Variants in COL23A1 observed in about 807,000 individuals in gnomAD.
COL23A1 encodes collagen alpha-1(XXIII) chain.
A neutral mutation model predicts 99.3 loss-of-function variants in COL23A1; 97 were observed. That is an observed-to-expected ratio of 0.98 (90% CI 0.83 to 1.16). The LOEUF is 1.16. Ranked by LOEUF, COL23A1 falls within the 50% of genes most tolerant of loss-of-function variation. The pLI is 0.00. For synonymous variants in COL23A1, 320 were observed against 308.2 expected, an observed-to-expected ratio of 1.04 and a Z score of -0.40; for missense variants, 762 against 757.4, an observed-to-expected ratio of 1.01 and a Z score of -0.07.
chr5:178,448,350 G>A (rs1285669361), intron 2 of COL23A1, among the ~76,000 whole-genome samples: 2 of 44,014 alleles, frequency 4.5e-5, no homozygotes, highest in Non-Finnish European at 4.3e-5. Flanking sequence ...AGTGCTAGTC[G>A]CAGTCCGTTT....
At chr5:178,533,700 T>C (rs971250093) in intron 2 of COL23A1, among the ~76,000 whole-genome samples, 5 of 152,242 alleles carry the variant, frequency 3.3e-5, no homozygotes, top group Non-Finnish European at 7.4e-5. Context: ...GGTTTCACCA[T>C]ATTGGACAAG....
Position 178,239,195 on chromosome 5 carries a change from G to C in COL23A1, c.1582-16C>G. 1 of 1,614,076 alleles carries C rather than the reference G, an allele frequency of 6.2e-7. No homozygotes were observed. Among genetic ancestry groups the C allele is most frequent in the Non-Finnish European group, 8.5e-7 (1 of 1,179,974 alleles). ...CGTCGGGGCCCTGGAAAGGAAGAAG[G>C]TTTCAGTGATGGGGATGGGGCCTGG... is the stretch of plus-strand genomic sequence containing the variant. On this transcript the variant is annotated splice_polypyrimidine_tract_variant and intron_variant, in intron 27 of 28. Transcript: ENST00000390654.
At chr5:178,377,467 C>A (rs10079261) in intron 2 of COL23A1, among the ~76,000 whole-genome samples, 15,820 of 152,280 alleles carry the variant, frequency 0.1, 1,668 homozygotes, top group African/African-American at 0.27. Context: ...CATGGGTCTA[C>A]CCAAACTCAC....
At chr5:178,495,759 C>T (rs556031892) in intron 2 of COL23A1, among the ~76,000 whole-genome samples, 10 of 152,026 alleles carry the variant, frequency 6.6e-5, no homozygotes, top group Non-Finnish European at 1.0e-4. Flanking sequence ...GCTCAGGAGA[C>T]AGGGTAAGTA....
chr5:178,289,952 G>A (rs2913827), intron 4 of COL23A1, among the ~76,000 whole-genome samples: 136,629 of 152,248 alleles, frequency 0.9, 61,398 homozygotes, highest in Non-Finnish European at 0.93. Context: ...TTTGAGACGG[G>A]GTCTCATTCT....
intron 1 of COL23A1, chr5:178,562,283 C>G (rs1048743270): frequency 1.7e-5 from 5 of 298,702 alleles, no homozygotes; most frequent in Non-Finnish European, 3.3e-5. Flanking sequence ...AGCCGCGGGC[C>G]GGGCACAGTG....
chr5:178,553,379 G>A (rs1762110719), intron 2 of COL23A1, among the ~76,000 whole-genome samples: 1 of 152,182 alleles, frequency 6.6e-6, no homozygotes, highest in Admixed American at 6.5e-5. Context: ...CCTAAGTGGA[G>A]TTTCACTCCT....
chr5:178,472,384 C>A (rs956109473), intron 2 of COL23A1, among the ~76,000 whole-genome samples: 4 of 152,062 alleles, frequency 2.6e-5, no homozygotes, highest in Admixed American at 2.0e-4. Flanking sequence ...GGGTGTGGGG[C>A]GCACCTGGAG....
chr5:178,348,098 T>C (rs947949089), intron 2 of COL23A1, among the ~76,000 whole-genome samples: 17 of 151,986 alleles, frequency 1.1e-4, no homozygotes, highest in Non-Finnish European at 2.2e-4. Context: ...TGCCTCCTGA[T>C]GGCCTGTGAC....
chr5:178,522,868 C>G (rs898589482), intron 2 of COL23A1, among the ~76,000 whole-genome samples: 8 of 152,106 alleles, frequency 5.3e-5, no homozygotes, highest in Non-Finnish European at 1.0e-4. Context: ...TAAGAAGATC[C>G]ACCTTGATGC....
At chr5:178,517,873 CTTTTTTTTT>C (rs71577021) in intron 2 of COL23A1, among the ~76,000 whole-genome samples, 56 of 97,708 alleles carry the variant, frequency 5.7e-4, no homozygotes, top group African/African-American at 2.2e-3. Flanking sequence ...AACAGCGGTT[CTTTTTTTTT>C]TTTTTTTTTT....
Position 178,412,399 on chromosome 5 carries a change from A to G in COL23A1, c.362-105480T>C, listed in dbSNP as rs968757190. Among the ~76,000 whole-genome samples, 3 of 152,302 alleles carry G rather than the reference A, an allele frequency of 2.0e-5. 1 individual carries two copies. The South Asian group carries it at 6.2e-4, about 32-fold the overall frequency. ...AAAGAAAACCCAGTTTTCATTTTAC[A>G]TTTTTCCATCCTGGCTAATTTTCTT... On this transcript the variant is annotated intron_variant, in intron 2 of 28. Transcript: ENST00000390654.
Position 178,256,392 on chromosome 5 carries a change from C to G in COL23A1, c.843G>C (p.Glu281Asp). ...GVDGAPGPKG[E>D]PGHRGTDGAA... Reference sequence around the variant, plus strand: ...CTCCATCCGTGCCTCGGTGGCCAGGCTCCCCCTGTGGAGACATGCATTTGC... The same window carrying G: ...CTCCATCCGTGCCTCGGTGGCCAGGGTCCCCCTGTGGAGACATGCATTTGC... Residue 281 changes from glutamate to aspartate, a missense_variant, in exon 15 of 29, where the codon GAG becomes GAC. Physicochemically the swap from Glu to Asp is conservative, Grantham distance 45. Transcript: ENST00000390654. 1 of 1,607,386 alleles carries G rather than the reference C, an allele frequency of 6.2e-7. No individual in the cohort carries two copies. The highest frequency in any genetic ancestry group is 8.5e-7 in the Non-Finnish European group (1 of 1,176,522).
At position 178,428,347 on chromosome 5, in the gene COL23A1, C is replaced by A. The variant is rs1192784811; in HGVS notation, c.362-121428G>T. Among the ~76,000 whole-genome samples the A allele has an allele frequency of 2.0e-5, 3 of 152,222 alleles. No individual in the cohort carries two copies. Among genetic ancestry groups the A allele is most frequent in the African/African-American group, 7.2e-5 (3 of 41,460 alleles). On this transcript the variant is annotated intron_variant, in intron 2 of 28. Transcript: ENST00000390654. This position sits in a 1 kb window ranked among gnomAD's most constrained non-coding sequence, Gnocchi z 5.0. ...GCCATCCCCTCTAGAACCTGCAGGA[C>A]CATGGAGCCAGCTCTTTGCACGAGG...
At chr5:178,321,504 T>C (rs1422071711) in intron 2 of COL23A1, among the ~76,000 whole-genome samples, 1 of 147,842 alleles carries the variant, frequency 6.8e-6, no homozygotes, top group African/African-American at 2.5e-5. Flanking sequence ...TTTTTTTTTT[T>C]TTGGAGATGC....
chr5:178,502,419 CTG>C (rs1758618025), intron 2 of COL23A1, among the ~76,000 whole-genome samples: 4 of 152,284 alleles, frequency 2.6e-5, no homozygotes, highest in Admixed American at 2.6e-4. Context: ...GCGTGAGCCA[CTG>C]CGCCCAGCCA....
intron 1 of COL23A1, among the ~76,000 whole-genome samples, chr5:178,586,988 C>A (rs1764037503): frequency 1.3e-5 from 2 of 152,180 alleles, no homozygotes; most frequent in African/African-American, 4.8e-5. Context: ...AGGCCAACAG[C>A]CAACAATAAA....
chr5:178,535,292 C>T (rs1760876513), intron 2 of COL23A1, among the ~76,000 whole-genome samples: 2 of 152,180 alleles, frequency 1.3e-5, no homozygotes, highest in South Asian at 4.1e-4. Context: ...CCTTCTGACT[C>T]CAGAACTCAT....
intron 1 of COL23A1, among the ~76,000 whole-genome samples, chr5:178,585,393 C>A (rs1384456790): frequency 6.6e-6 from 1 of 151,648 alleles, no homozygotes; most frequent in African/African-American, 2.4e-5. Flanking sequence ...CACTCCGCGG[C>A]CCTGACTGAT....
Sources: gnomAD v4.1 joint callset for allele counts (sites outside exome capture counted in the v4.1 genomes callset) on GRCh38, gnomAD v4.1.1 for gene constraint, Gnocchi (gnomAD v3.1) non-coding constraint, MANE v1.5 for transcripts, NCBI Gene and HGNC (gene_info 2026-07-23, HGNC 2026-07-21) for gene names.